CTBP2: variants seen among roughly 807,000 people sequenced by gnomAD.
CTBP2 encodes C-terminal-binding protein 2.
Under a neutral mutation model 80.3 loss-of-function variants are expected in CTBP2, and 30 were observed. The observed-to-expected ratio is 0.37, with a 90% CI of 0.28 to 0.51. The LOEUF (loss-of-function observed/expected upper bound fraction) is 0.51. Ranked by LOEUF, CTBP2 falls within the 20% of genes least tolerant of loss-of-function variation. The probability of loss-of-function intolerance (pLI) is 0.93; values close to 1 mark genes in which losing one functional copy is unlikely to be tolerated. For synonymous variants in CTBP2, 594 were observed against 587.4 expected (o/e 1.01, Z -0.16); for missense variants, 1,212 against 1,375.3 (o/e 0.88, Z 1.88).
At chr10:125,024,648 A>C (rs931764613) in intron 1 of CTBP2, among the ~76,000 whole-genome samples, 1 of 152,226 alleles carries the variant, frequency 6.6e-6, no homozygotes, top group African/African-American at 2.4e-5. Flanking sequence ...TTAGCAACAC[A>C]TAATTAAGGA....
rs1294919463 is a variant in CTBP2 at position 124,986,886 on chromosome 10, G to A, written c.*2632C>T. The A allele has an allele frequency of 1.0e-4, 1 of 9,584 alleles. No individual in the cohort carries two copies. Among genetic ancestry groups the A allele is most frequent in the South Asian group, 1.7e-3 (1 of 592 alleles). 0.6% of individuals were successfully genotyped at this position (9,584 alleles called of 1,614,324 possible). A position where few individuals can be genotyped will look rare whatever the true frequency, so the allele number is the denominator to read the frequency against. On this transcript the variant is annotated 3_prime_UTR_variant, in exon 9 of 9. Coordinates refer to ENST00000309035, the MANE Select transcript of CTBP2 (RefSeq NM_022802.3). ...CATTGCAGTCTGCATTGCAGCCAGC[G>A]TTGTCCAGAGTACACGCTCAGCACT...
rs756237603 is a variant in CTBP2, at chr10:125,027,676, G to A, written c.84C>T (p.Asn28=). The A allele has an allele frequency of 2.4e-5, 38 of 1,613,852 alleles. 1 individual carries two copies. Among genetic ancestry groups the A allele is most frequent in the South Asian group, 1.8e-4 (16 of 91,064 alleles). The stretch of plus-strand genomic sequence containing the variant: ...TCCCCAGAGGCCGCAGGGACTCGGC[G>A]TTCTCCCAGGGGCCCTCGTACCACC... Residue 28 remains asparagine, a synonymous_variant, in exon 1 of 9, where the codon AAC becomes AAT. Transcript: ENST00000309035.
At chr10:125,048,389 T>G (rs1961797679) in intron 2 of CTBP2, among the ~76,000 whole-genome samples, 1 of 152,174 alleles carries the variant, frequency 6.6e-6, no homozygotes, top group Non-Finnish European at 1.5e-5. Context: ...AGGGAAGGCC[T>G]GGGCCCATGG....
intron 1 of CTBP2, among the ~76,000 whole-genome samples, chr10:125,138,883 C>T (rs144744468): frequency 2.6e-5 from 4 of 152,248 alleles, no homozygotes; most frequent in Non-Finnish European, 5.9e-5. Flanking sequence ...GCAAAGGAAC[C>T]GGCTTCTGAT....
intron 1 of CTBP2, among the ~76,000 whole-genome samples, chr10:125,151,380 T>C (rs1345657291): frequency 6.6e-6 from 1 of 152,038 alleles, no homozygotes; most frequent in Non-Finnish European, 1.5e-5. Flanking sequence ...GTCCTCGACG[T>C]GGAGTTCTGC....
chr10:125,071,532 A>G (rs1845483628), intron 2 of CTBP2, among the ~76,000 whole-genome samples: 1 of 152,362 alleles, frequency 6.6e-6, no homozygotes, highest in East Asian at 1.9e-4. Context: ...CCAAAAGTGA[A>G]GTAAGACCTG....
intron 1 of CTBP2, among the ~76,000 whole-genome samples, chr10:125,125,809 C>T (rs991088764): frequency 6.6e-6 from 1 of 152,202 alleles, no homozygotes; most frequent in African/African-American, 2.4e-5. Flanking sequence ...GAGATCTGGG[C>T]TAAGAAAGGG....
rs954701212 is a variant in CTBP2, at chr10:124,997,630, C to T, written c.2185+334G>A. Reference sequence around the variant, plus strand: ...GCCTGGCTGCTGCTTTACGACACACCTCCATACAGCCCCTGCCCTTCACCC... The same window carrying T: ...GCCTGGCTGCTGCTTTACGACACACTTCCATACAGCCCCTGCCCTTCACCC... On this transcript the variant is annotated intron_variant, in intron 4 of 8. Coordinates refer to ENST00000309035, the MANE Select transcript of CTBP2 (RefSeq NM_022802.3). The T allele has an allele frequency of 4.5e-5, 17 of 375,544 alleles. No individual in the cohort carries two copies. In the East Asian group the frequency reaches 8.5e-4, roughly 19 times the overall value. The allele number at this position is 375,544 out of a possible 1,614,324, so 23.3% of individuals were successfully genotyped here. A position where few individuals can be genotyped will look rare whatever the true frequency, so the allele number is the denominator to read the frequency against.
chr10:125,032,122 A>C (rs1958304853), upstream of CTBP2, among the ~76,000 whole-genome samples: 1 of 151,922 alleles, frequency 6.6e-6, no homozygotes, highest in Non-Finnish European at 1.5e-5. Context: ...CAAAGTGTGC[A>C]ACGGGACCCC....
intron 4 of CTBP2, among the ~76,000 whole-genome samples, chr10:124,994,920 G>A (rs1953259598): frequency 6.6e-6 from 1 of 152,244 alleles, no homozygotes; most frequent in Non-Finnish European, 1.5e-5. Flanking sequence ...GGGTACAGCA[G>A]GATTTTTGTT....
chr10:125,003,365 C>A lies in CTBP2; in HGVS notation c.1806G>T (p.Ala602=), dbSNP rs766200235. ...TCTCGTGGATTTCCTGCGTCGACTG[C>A]GCGTCACAGAAGGCCACAGTGGCCA... The change falls in exon 2 of 9, where the codon GCG becomes GCT. Residue 602 remains alanine, a synonymous_variant. Coordinates refer to ENST00000309035, the MANE Select transcript of CTBP2 (RefSeq NM_022802.3). The A allele has an allele frequency of 2.5e-6, 4 of 1,610,630 alleles. No individual in the cohort carries two copies. The East Asian group carries it at 8.9e-5, about 36-fold the overall frequency.
intron 2 of CTBP2, among the ~76,000 whole-genome samples, chr10:125,069,000 A>T (rs558111281): frequency 6.6e-6 from 1 of 152,132 alleles, no homozygotes; most frequent in South Asian, 2.1e-4. Context: ...GGGCAGGGAG[A>T]TCAGCTACAG....
chr10:125,085,164 G>A (rs187858770), intron 2 of CTBP2, among the ~76,000 whole-genome samples: 1 of 152,314 alleles, frequency 6.6e-6, no homozygotes, highest in Admixed American at 6.5e-5. Context: ...GAGAAATGAG[G>A]CGGATTGCAA....
intron 1 of CTBP2, among the ~76,000 whole-genome samples, chr10:125,114,346 C>T (rs1852822706): frequency 6.6e-6 from 1 of 152,120 alleles, no homozygotes; most frequent in African/African-American, 2.4e-5. Flanking sequence ...TGTGATCTGC[C>T]TACAGCTGAT....
chr10:124,996,044 CT>C (rs1953467020), intron 4 of CTBP2: 1 of 75,636 alleles, frequency 1.3e-5, no homozygotes. Context: ...ACGGCTATTT[CT>C]TTGTTTTTTT....
intron 2 of CTBP2, among the ~76,000 whole-genome samples, chr10:125,055,863 A>G (rs1963791824): frequency 6.6e-6 from 1 of 152,188 alleles, no homozygotes; most frequent in Admixed American, 6.5e-5. Context: ...AGCTGCATGC[A>G]TGACTTTAAA....
chr10:125,160,639 C>T (rs1185635192), upstream of CTBP2: 1 of 108,932 alleles, frequency 9.2e-6, no homozygotes, highest in Non-Finnish European at 1.9e-5. Flanking sequence ...CCCCACCCTA[C>T]CCCTCCCTTC....
chr10:125,107,511 A>G (rs1234776672), intron 2 of CTBP2, among the ~76,000 whole-genome samples: 2 of 152,270 alleles, frequency 1.3e-5, no homozygotes, highest in South Asian at 2.1e-4. Flanking sequence ...ATGTGTTTCC[A>G]GAGTAATTCA....
At chr10:125,109,097 A>C (rs1851893887) in intron 2 of CTBP2, among the ~76,000 whole-genome samples, 1 of 152,258 alleles carries the variant, frequency 6.6e-6, no homozygotes, top group African/African-American at 2.4e-5. Context: ...AGACTGAGTC[A>C]AATGAAAGTG....
Sources: gnomAD v4.1 joint callset for allele counts (sites outside exome capture counted in the v4.1 genomes callset) on GRCh38, gnomAD v4.1.1 for gene constraint, MANE v1.5 for transcripts, NCBI Gene and HGNC (gene_info 2026-07-23, HGNC 2026-07-21) for gene names.